Variants in KIAA1217 observed in about 807,000 individuals in gnomAD.
KIAA1217 encodes the protein KIAA1217, also known as sickle tail protein homolog.
A neutral mutation model predicts 163.9 loss-of-function variants in KIAA1217; 88 were observed. The ratio of observed to expected loss-of-function variants is 0.54; its 90% CI spans 0.45 to 0.64. The LOEUF (loss-of-function observed/expected upper bound fraction) is 0.64. KIAA1217 is among the 30% of genes least tolerant of loss of function. The pLI is 0.00. For missense variants in KIAA1217, 2,372 were observed against 2,475.0 expected (o/e 0.96, Z 0.88); for synonymous variants, 903 against 923.1 (o/e 0.98, Z 0.39).
intron 2 of KIAA1217, among the ~76,000 whole-genome samples, chr10:24,077,945 T>C (rs141907214): frequency 1.4e-4 from 21 of 152,306 alleles, no homozygotes; most frequent in African/African-American, 5.1e-4. Context: ...TGATCAGTGG[T>C]GTTGAGCTTT....
intron 2 of KIAA1217, among the ~76,000 whole-genome samples, chr10:24,113,324 C>T (rs1202271263): frequency 6.6e-6 from 1 of 152,184 alleles, no homozygotes; most frequent in African/African-American, 2.4e-5. Flanking sequence ...CAAGTCCATT[C>T]CTGGTAAGCA....
intron 2 of KIAA1217, among the ~76,000 whole-genome samples, chr10:24,345,617 A>C (rs2047632846): frequency 6.6e-6 from 1 of 152,226 alleles, no homozygotes; most frequent in Admixed American, 6.5e-5. Context: ...ATATACAGGC[A>C]AGGAATTGCC....
At chr10:23,699,087 C>T (rs1383809368) in intron 1 of KIAA1217, among the ~76,000 whole-genome samples, 1 of 152,214 alleles carries the variant, frequency 6.6e-6, no homozygotes, top group Non-Finnish European at 1.5e-5. Context: ...CGTCCAGTTG[C>T]TCCCATCTCT....
chr10:24,125,618 C>A (rs145319438), intron 2 of KIAA1217, among the ~76,000 whole-genome samples: 1 of 151,926 alleles, frequency 6.6e-6, no homozygotes, highest in African/African-American at 2.4e-5. Flanking sequence ...TTTCACAATG[C>A]ACTCCAGTTT....
At chr10:24,124,344 A>G (rs1337592796) in intron 2 of KIAA1217, among the ~76,000 whole-genome samples, 1 of 152,086 alleles carries the variant, frequency 6.6e-6, no homozygotes, top group Non-Finnish European at 1.5e-5. Context: ...AGAAGTTTGT[A>G]AATTATTTTT....
chr10:24,466,842 C>T, intron 5 of KIAA1217: 1 of 946,460 alleles, frequency 1.1e-6, no homozygotes, highest in Middle Eastern at 5.4e-4. Flanking sequence ...GATTCCATTT[C>T]AGTTTTCTCT....
At chr10:24,544,875 T>A in intron 19 of KIAA1217, 106 bp from the exon 20 acceptor site, 1 of 1,233,564 alleles carries the variant, frequency 8.1e-7, no homozygotes, top group Non-Finnish European at 1.2e-6. Flanking sequence ...CATGTAGGGC[T>A]GTGGCTTCTC....
intron 1 of KIAA1217, among the ~76,000 whole-genome samples, chr10:23,949,203 A>T (rs1215595278): frequency 2.0e-5 from 3 of 152,186 alleles, no homozygotes; most frequent in Non-Finnish European, 4.4e-5. Context: ...TGAATTTCAC[A>T]AACCGTGTGA....
At chr10:24,286,848 C>T (rs1339858546) in intron 2 of KIAA1217, among the ~76,000 whole-genome samples, 2 of 152,078 alleles carry the variant, frequency 1.3e-5, no homozygotes, top group Non-Finnish European at 2.9e-5. Flanking sequence ...ACAAAAATAC[C>T]CACACCCTCT....
chr10:24,202,784 CTT>C (rs2067333465), intron 2 of KIAA1217, among the ~76,000 whole-genome samples: 1 of 152,176 alleles, frequency 6.6e-6, no homozygotes, highest in African/African-American at 2.4e-5. Context: ...TGCAGGGAGA[CTT>C]TGATAAATAT....
chr10:24,410,247 T>G (rs1476171835), intron 3 of KIAA1217, among the ~76,000 whole-genome samples: 1 of 152,134 alleles, frequency 6.6e-6, no homozygotes, highest in Non-Finnish European at 1.5e-5. Flanking sequence ...CCGCCCGCCT[T>G]GGCCTCCCAA....
At chr10:23,937,719 A>G (rs1431298670) in intron 1 of KIAA1217, among the ~76,000 whole-genome samples, 1 of 152,148 alleles carries the variant, frequency 6.6e-6, no homozygotes, top group Non-Finnish European at 1.5e-5. Flanking sequence ...CTTCAGGCCA[A>G]ATTGGGATAA....
At chr10:24,268,927 G>C (rs1422695784) in intron 2 of KIAA1217, among the ~76,000 whole-genome samples, 3 of 145,018 alleles carry the variant, frequency 2.1e-5, no homozygotes, top group East Asian at 4.0e-4. Context: ...GATGAAATTG[G>C]AAATCATCAT....
chr10:23,953,369 A>G (rs1844424267), intron 1 of KIAA1217, among the ~76,000 whole-genome samples: 1 of 152,228 alleles, frequency 6.6e-6, no homozygotes, highest in Non-Finnish European at 1.5e-5. Context: ...AGCTTAAGAC[A>G]TTATCTCAAT....
At chr10:24,537,354 T>A (rs976473421) in intron 17 of KIAA1217, among the ~76,000 whole-genome samples, 2 of 152,054 alleles carry the variant, frequency 1.3e-5, no homozygotes, top group Non-Finnish European at 2.9e-5. Flanking sequence ...GGCAGGTGGA[T>A]CACCTGAGGT....
intron 3 of KIAA1217, among the ~76,000 whole-genome samples, chr10:24,416,161 T>C (rs1263408518): frequency 6.6e-6 from 1 of 152,194 alleles, no homozygotes; most frequent in Non-Finnish European, 1.5e-5. Flanking sequence ...AATAACGACG[T>C]AATTATTACA....
chr10:24,332,257 C>T (rs1486507830), intron 2 of KIAA1217, among the ~76,000 whole-genome samples: 1 of 152,236 alleles, frequency 6.6e-6, no homozygotes, highest in African/African-American at 2.4e-5. Context: ...AATCTGTAGA[C>T]ACCCATGTCC....
At chr10:23,798,912 T>C (rs542009166) in intron 1 of KIAA1217, among the ~76,000 whole-genome samples, 4 of 152,082 alleles carry the variant, frequency 2.6e-5, no homozygotes, top group African/African-American at 9.7e-5. Flanking sequence ...ACAAACAGAG[T>C]GTCTCAAACA....
At chr10:24,261,314 A>G (rs994245862) in intron 2 of KIAA1217, among the ~76,000 whole-genome samples, 2 of 152,102 alleles carry the variant, frequency 1.3e-5, no homozygotes. Flanking sequence ...CCTGGCCAAC[A>G]TGGTGAAACC....
Sources: gnomAD v4.1 joint callset for allele counts (sites outside exome capture counted in the v4.1 genomes callset) on GRCh38, gnomAD v4.1.1 for gene constraint, MANE v1.5 for transcripts, NCBI Gene and HGNC (gene_info 2026-07-23, HGNC 2026-07-21) for gene names.